RECK: variants seen among roughly 807,000 people sequenced by gnomAD.
The protein encoded by RECK is reversion-inducing cysteine-rich protein with Kazal motifs.
RECK carries 69 observed loss-of-function variants against 115.1 expected under a neutral mutation model. The ratio of observed to expected loss-of-function variants is 0.60; its 90% CI spans 0.49 to 0.73. The LOEUF (loss-of-function observed/expected upper bound fraction) is 0.73. Among genes scored for constraint, RECK ranks in the 30% least tolerant of loss-of-function variants. RECK has a pLI of 0.00. For missense variants in RECK, 1,047 were observed against 1,203.7 expected, an observed-to-expected ratio of 0.87 and a Z score of 1.93; for synonymous variants, 414 against 419.7, an observed-to-expected ratio of 0.99 and a Z score of 0.17.
At chr9:36,062,603 G>T (rs1051345066) in intron 4 of RECK, among the ~76,000 whole-genome samples, 9 of 151,520 alleles carry the variant, frequency 5.9e-5, no homozygotes, top group South Asian at 2.1e-4. Flanking sequence ...TCACCCTCCC[G>T]AGTAGTTTGG....
chr9:36,080,459 C>T (rs1052078512), intron 6 of RECK, 146 bp from the exon 7 acceptor site: 1 of 691,546 alleles, frequency 1.4e-6, no homozygotes, highest in Non-Finnish European at 2.5e-6. Flanking sequence ...AATATCATTT[C>T]ATAACTTCTG....
At chr9:36,039,476 C>T (rs544420053) in intron 1 of RECK, among the ~76,000 whole-genome samples, 2 of 152,278 alleles carry the variant, frequency 1.3e-5, no homozygotes, top group South Asian at 4.1e-4. Flanking sequence ...TATTGACCCC[C>T]TCTATTATAC....
intron 15 of RECK, 115 bp from the exon 16 acceptor site, chr9:36,112,190 A>C (rs1248419690): frequency 1.2e-6 from 1 of 858,772 alleles, no homozygotes; most frequent in Admixed American, 2.7e-5. Context: ...TTAATTTACA[A>C]TTCTATTTTA....
At chr9:36,106,608 T>C (rs1013047068) in intron 13 of RECK, among the ~76,000 whole-genome samples, 1 of 152,068 alleles carries the variant, frequency 6.6e-6, no homozygotes, top group African/African-American at 2.4e-5. Flanking sequence ...TCATCTATAA[T>C]ATATGTGTAA....
At position 36,060,009 on chromosome 9, in the gene RECK, T is replaced by C. The variant is rs1260292932; in HGVS notation, c.235-110T>C. The C allele has an allele frequency of 2.0e-5, 19 of 945,950 alleles. No homozygotes were observed. The East Asian group carries it at 4.6e-4, about 23-fold the overall frequency. The allele number at this position is 945,950 out of a possible 1,614,324, so 58.6% of individuals were successfully genotyped here. ...GCCTGTAGTTCTAGAACATTGACTG[T>C]GTAGACATAGCCATAATCAAATTAG... On this transcript the variant is annotated intron_variant, in intron 3 of 20. Transcript: ENST00000377966.
intron 7 of RECK, among the ~76,000 whole-genome samples, chr9:36,081,535 A>G (rs1273855238): frequency 6.6e-6 from 1 of 152,148 alleles, no homozygotes; most frequent in Admixed American, 6.5e-5. Flanking sequence ...AAATGCAGCC[A>G]TTAATCATTG....
chr9:36,066,977 C>G, intron 6 of RECK: 5 of 553,748 alleles, frequency 9.0e-6, no homozygotes, highest in Non-Finnish European at 1.5e-5. Flanking sequence ...TTCCAAAAAT[C>G]TGTATGGCAA....
chr9:36,101,183 C>T (rs1381649115), intron 11 of RECK, among the ~76,000 whole-genome samples: 2 of 152,100 alleles, frequency 1.3e-5, no homozygotes, highest in African/African-American at 4.8e-5. Flanking sequence ...AATCTCTTGA[C>T]CTGGTGATCC....
At chr9:36,088,054 T>A in intron 9 of RECK, 93 bp downstream of exon 9, 1 of 891,912 alleles carries the variant, frequency 1.1e-6, no homozygotes, top group Non-Finnish European at 1.8e-6. Flanking sequence ...TATTCTTACG[T>A]GGTATAGGTT....
At chr9:36,048,448 A>T (rs145866631) in intron 1 of RECK, among the ~76,000 whole-genome samples, 1 of 152,158 alleles carries the variant, frequency 6.6e-6, no homozygotes, top group East Asian at 1.9e-4. Context: ...TTTTGAACAC[A>T]GGTTTGAGAA....
intron 2 of RECK, 85 bp from the exon 3 acceptor site, chr9:36,058,742 G>GATAA: frequency 1.6e-6 from 1 of 637,420 alleles, no homozygotes; most frequent in Non-Finnish European, 2.4e-6. Flanking sequence ...CTAGACAACT[G>GATAA]ATAAATCTAG....
chr9:36,059,639 C>T (rs1461705356), intron 3 of RECK, among the ~76,000 whole-genome samples: 1 of 152,074 alleles, frequency 6.6e-6, no homozygotes, highest in Non-Finnish European at 1.5e-5. Context: ...ATATTGCTTA[C>T]CTATCTGAAT....
At chr9:36,085,927 GT>G (rs1822941060) in intron 8 of RECK, 2 of 151,764 alleles carry the variant, frequency 1.3e-5, no homozygotes. Flanking sequence ...CTGACATTTA[GT>G]CTATACGAGA....
intron 8 of RECK, 119 bp from the exon 9 acceptor site, chr9:36,087,575 G>T: frequency 1.0e-6 from 1 of 964,946 alleles, no homozygotes; most frequent in South Asian, 1.7e-5. Context: ...AACCACCATG[G>T]CATGTGTATA....
intron 2 of RECK, among the ~76,000 whole-genome samples, chr9:36,056,186 A>AT (rs1267299568): frequency 6.6e-6 from 1 of 152,100 alleles, no homozygotes; most frequent in Middle Eastern, 3.2e-3. Context: ...CAAAATCTCA[A>AT]TTGTCATATT....
intron 10 of RECK, among the ~76,000 whole-genome samples, chr9:36,093,490 T>C (rs1179571399): frequency 2.0e-5 from 3 of 151,940 alleles, no homozygotes; most frequent in Admixed American, 1.3e-4. Flanking sequence ...ACATGGAAAC[T>C]CTAAAACTGA....
At position 36,122,807 on chromosome 9, in the gene RECK, C is replaced by G. The variant is rs1033190552; in HGVS notation, c.2695-17C>G. 6.2e-7 allele frequency: 1 copy of G among 1,604,668 alleles called. No individual in the cohort carries two copies. The highest frequency in any genetic ancestry group is 1.3e-5 in the African/African-American group (1 of 74,650). On this transcript the variant is annotated splice_polypyrimidine_tract_variant and intron_variant, in intron 20 of 20. Transcript: ENST00000377966. ...TTCTGTGGTTTTATATTAAGGGAAC[C>G]TTGTTTCTCCTCACAGATTGAAGCC... is the stretch of plus-strand genomic sequence containing the variant.
chr9:36,061,234 A>T (rs963795083), intron 4 of RECK, among the ~76,000 whole-genome samples: 11 of 143,354 alleles, frequency 7.7e-5, no homozygotes, highest in Non-Finnish European at 1.2e-4. Flanking sequence ...CTAATTTCTT[A>T]AAAAAAAAAG....
rs143294934 is a variant in RECK at position 36,118,908 on chromosome 9, G to A, written c.2405G>A (p.Cys802Tyr). ...TCAGAGCACAGCTCCGTCGCCGAGT[G>A]TGCTTCTGTCAAGTGTCCTTCGCTC... ...VLSEHSSVAECASVKCPSLLA... is the reference protein window; with the variant it reads ...VLSEHSSVAEYASVKCPSLLA... Residue 802 changes from cysteine to tyrosine, a missense_variant, in exon 18 of 21, where the codon TGT becomes TAT. Cys to Tyr is a radical substitution (Grantham distance 194). Transcript: ENST00000377966. 1.1e-4 allele frequency: 183 copies of A among 1,613,534 alleles called. No homozygotes were observed. The highest frequency in any genetic ancestry group is 3.5e-4 in the Middle Eastern group (2 of 5,652).
Sources: allele counts gnomAD v4.1 joint callset (sites outside exome capture counted in the v4.1 genomes callset), GRCh38; gene constraint gnomAD v4.1.1; transcripts MANE v1.5; gene names NCBI Gene and HGNC (gene_info 2026-07-23, HGNC 2026-07-21).